BCL9L: variants seen among roughly 807,000 people sequenced by gnomAD.
BCL9L encodes B-cell CLL/lymphoma 9-like protein.
Under a neutral mutation model 99.4 loss-of-function variants are expected in BCL9L, and 19 were observed. The ratio of observed to expected loss-of-function variants is 0.19; its 90% CI spans 0.13 to 0.28. The LOEUF (loss-of-function observed/expected upper bound fraction) is 0.28. Among genes scored for constraint, BCL9L ranks in the 10% least tolerant of loss-of-function variants. The probability of loss-of-function intolerance (pLI) is 1.00; values close to 1 mark genes in which losing one functional copy is unlikely to be tolerated. For synonymous variants in BCL9L, 900 were observed against 854.8 expected, an observed-to-expected ratio of 1.05 and a Z score of -0.92; for missense variants, 2,023 against 2,101.6, an observed-to-expected ratio of 0.96 and a Z score of 0.73.
chr11:118,912,722 T>C (rs1390504531), intron 2 of BCL9L, among the ~76,000 whole-genome samples: 7 of 152,204 alleles, frequency 4.6e-5, no homozygotes, highest in Admixed American at 2.6e-4. Context: ...TCTGCTTGGC[T>C]CACCAGCTGG....
rs1445112227 is a variant in BCL9L at position 118,901,059 on chromosome 11, G to A, written c.2684C>T (p.Ala895Val). 1.9e-6 allele frequency: 3 copies of A among 1,598,656 alleles called. No individual in the cohort carries two copies. The highest frequency in any genetic ancestry group is 2.3e-5 in the South Asian group (2 of 88,162). The part of the protein sequence containing the change: ...TRLSHMPLPP[A>V]SNPPGTVHSA... ...ATGCACGGTCCCAGGAGGATTGGAC[G>A]CAGGGGGCAGAGGCATGTGGCTGAG... is the stretch of plus-strand genomic sequence containing the variant. Residue 895 changes from alanine (A) to valine (V), a missense_variant, in exon 8 of 10, where the codon GCG becomes GTG. By Grantham distance (64) the Ala-to-Val change is moderately conservative. This residue lies in a region of BCL9L where 902 missense variants were observed against 888.2 expected (regional missense o/e 1.02). Coordinates refer to ENST00000683865, the MANE Select transcript of BCL9L (RefSeq NM_001378213.1). The surrounding 1 kb of genome is among the most constrained non-coding windows in gnomAD (Gnocchi z 6.6).
In BCL9L at chr11:118,901,854, T is replaced by C. The variant is rs1482859667; in HGVS notation, c.1889A>G (p.Gln630Arg). ...MPMEVPMNAMQRPVRPGMGWT... is the reference protein window; with the variant it reads ...MPMEVPMNAMRRPVRPGMGWT... ...GCCCATGCCTGGTCTCACGGGCCTC[T>C]GCATGGCATTCATGGGCACCTCCAT... Residue 630 changes from glutamine to arginine, a missense_variant, in exon 8 of 10, where the codon CAG (glutamine) becomes CGG (arginine). Transcript: ENST00000683865. The surrounding 1 kb of genome is among the most constrained non-coding windows in gnomAD (Gnocchi z 6.6). The C allele has an allele frequency of 6.2e-7, 1 of 1,610,502 alleles. No individual in the cohort carries two copies. The highest frequency in any genetic ancestry group is 8.5e-7 in the Non-Finnish European group (1 of 1,177,168).
At chr11:118,913,687 C>T (rs533118252) in intron 2 of BCL9L, among the ~76,000 whole-genome samples, 34 of 150,946 alleles carry the variant, frequency 2.3e-4, no homozygotes, top group Non-Finnish European at 3.5e-4. Flanking sequence ...CCCCCGCCCA[C>T]CCCACCCGCC....
At chr11:118,904,603 C>T (rs919531773) in intron 5 of BCL9L, among the ~76,000 whole-genome samples, 5 of 152,154 alleles carry the variant, frequency 3.3e-5, no homozygotes, top group South Asian at 2.1e-4. Context: ...AAATCTACAA[C>T]GGGTCTAGGT....
intron 1 of BCL9L, among the ~76,000 whole-genome samples, chr11:118,920,442 G>A (rs1050374929): frequency 3.3e-5 from 5 of 152,118 alleles, no homozygotes; most frequent in Admixed American, 6.5e-5. Context: ...AGACCCCTCC[G>A]TCTTCTGCTC....
chr11:118,909,894 C>A lies in BCL9L; in HGVS notation c.26+20G>T, dbSNP rs1940707553. The A allele has an allele frequency of 1.2e-6, 2 of 1,613,978 alleles. No homozygotes were observed. Among genetic ancestry groups the A allele is most frequent in the South Asian group, 2.2e-5 (2 of 91,090 alleles). On this transcript the variant is annotated intron_variant, in intron 3 of 9. Transcript: ENST00000683865. The stretch of plus-strand genomic sequence containing the variant: ...CGCACTCCACACACACACATCCCAC[C>A]CGCCACGACACCCACACACCTTGTC...
rs781770513 is a variant in BCL9L at position 118,908,338 on chromosome 11, C to T, written c.344G>A (p.Arg115Gln). 9.9e-6 allele frequency: 16 copies of T among 1,609,114 alleles called. No homozygotes were observed. In the Admixed American group the frequency reaches 1.2e-4, roughly 12 times the overall value. ...CTCTCCAGAGTCCACAGACACACTCCGGTCCCTCTTCACCTTGCCCTTGAG... is the reference window on the plus strand; with the variant it reads ...CTCTCCAGAGTCCACAGACACACTCTGGTCCCTCTTCACCTTGCCCTTGAG... ...SSLKGKVKRD[R>Q]SVSVDSGEQR... Residue 115 changes from arginine (R) to glutamine (Q), a missense_variant, in exon 4 of 10, where the codon CGG becomes CAG. This residue lies in a region of BCL9L where 1,116 missense variants were observed against 1,194.6 expected (regional missense o/e 0.93). Transcript: ENST00000683865.
Position 118,903,575 on chromosome 11 carries a change from T to C in BCL9L, c.533-123A>G, listed in dbSNP as rs1940384755. 2 of 1,076,862 alleles carry C rather than the reference T, an allele frequency of 1.9e-6. No individual in the cohort carries two copies. Among genetic ancestry groups the C allele is most frequent in the Admixed American group, 4.1e-5 (2 of 48,298 alleles). 66.7% of individuals were successfully genotyped at this position (1,076,862 alleles called of 1,614,324 possible). A position where few individuals can be genotyped will look rare whatever the true frequency, so the allele number is the denominator to read the frequency against. ...TGCCCACAGGGACATTTGATGTCAG[T>C]ATCTGGTGTTCTCACCAGGCTGGTT... On this transcript the variant is annotated intron_variant, in intron 5 of 9. Transcript: ENST00000683865. The surrounding 1 kb of genome is among the most constrained non-coding windows in gnomAD (Gnocchi z 5.6).
rs754641285 is a variant in BCL9L at position 118,899,097 on chromosome 11, G to A, written c.3818C>T (p.Pro1273Leu). Residue 1273 changes from proline to leucine, a missense_variant, in exon 10 of 10, where the codon CCC becomes CTC. Physicochemically the swap from Pro to Leu is moderately conservative, Grantham distance 98 (BLOSUM62 -3). This residue lies in a region of BCL9L where 902 missense variants were observed against 888.2 expected (regional missense o/e 1.02). Transcript: ENST00000683865. ...CATCAGGTGCTGCTGGGGAGGCATG[G>A]GGCCTGGCGGCTGGTTGGGCAGGTC... ...PEDLPNQPPG[P>L]MPPQQHLMGK... 6.3e-6 allele frequency: 10 copies of A among 1,588,628 alleles called. No homozygotes were observed. Among genetic ancestry groups the A allele is most frequent in the Non-Finnish European group, 7.7e-6 (9 of 1,166,970 alleles).
chr11:118,907,070 G>A (rs1940552798), intron 5 of BCL9L, among the ~76,000 whole-genome samples: 2 of 152,166 alleles, frequency 1.3e-5, no homozygotes, highest in Non-Finnish European at 2.9e-5. Flanking sequence ...GTTAGGGAAG[G>A]GCACTAGAGA....
At position 118,898,803 on chromosome 11, in the gene BCL9L, G is replaced by A. The variant is rs753922655; in HGVS notation, c.4112C>T (p.Pro1371Leu). The change falls in exon 10 of 10, where the codon CCC becomes CTC. Residue 1371 changes from proline to leucine, a missense_variant. By Grantham distance (98) the Pro-to-Leu change is moderately conservative (BLOSUM62 -3). Coordinates refer to ENST00000683865, the MANE Select transcript of BCL9L (RefSeq NM_001378213.1). Reference sequence around the variant, plus strand: ...GCCTGGGAGGTTGGGAGGCCGAGAGGGAGTCTGCTCCGCCATCATGTTCTG... The same window carrying A: ...GCCTGGGAGGTTGGGAGGCCGAGAGAGAGTCTGCTCCGCCATCATGTTCTG... ...NLQNMMAEQT[P>L]SRPPNLPGQQ... 5 of 1,613,944 alleles carry A rather than the reference G, an allele frequency of 3.1e-6. No homozygotes were observed. Among genetic ancestry groups the A allele is most frequent in the Middle Eastern group, 1.7e-4 (1 of 6,060 alleles).
chr11:118,902,768 C>T lies in BCL9L; in HGVS notation c.975G>A (p.Gly325=). Reference sequence around the variant, plus strand: ...GGTCCTGACTGCTGTCCTCAGGAGGCCCCTCTGGGGGCAGAGCAGGCGGGG... The same window carrying T: ...GGTCCTGACTGCTGTCCTCAGGAGGTCCCTCTGGGGGCAGAGCAGGCGGGG... ...GSAPPALPPE[G]PPEDSSQDLA... Residue 325 remains glycine (G), a synonymous_variant, in exon 8 of 10, where the codon GGG becomes GGA. Coordinates refer to ENST00000683865, the MANE Select transcript of BCL9L (RefSeq NM_001378213.1). The surrounding 1 kb of genome is among the most constrained non-coding windows in gnomAD (Gnocchi z 7.8). 6.3e-7 allele frequency: 1 copy of T among 1,585,394 alleles called. No homozygotes were observed. Among genetic ancestry groups the T allele is most frequent in the South Asian group, 1.1e-5 (1 of 89,292 alleles).
intron 2 of BCL9L, among the ~76,000 whole-genome samples, chr11:118,912,042 C>T (rs1940816377): frequency 6.6e-6 from 1 of 152,272 alleles, no homozygotes; most frequent in African/African-American, 2.4e-5. Flanking sequence ...TCTCCCACCC[C>T]GCCGCAGGGC....
At position 118,898,256 on chromosome 11, in the gene BCL9L, A is replaced by C. The variant is rs1940005162; in HGVS notation, c.*159T>G. 3.9e-6 allele frequency: 4 copies of C among 1,036,206 alleles called. No homozygotes were observed. Among genetic ancestry groups the C allele is most frequent in the African/African-American group, 1.6e-5 (1 of 61,552 alleles). The allele number at this position is 1,036,206 out of a possible 1,614,324, so 64.2% of individuals were successfully genotyped here. On this transcript the variant is annotated 3_prime_UTR_variant, in exon 10 of 10. Coordinates refer to ENST00000683865, the MANE Select transcript of BCL9L (RefSeq NM_001378213.1). ...CACTGCCACTTCCCCCTAAGCTGCC[A>C]GCACATCTGGTTTCCACAAATGCCA...
rs1431862288 is a variant in BCL9L, at chr11:118,901,615, G to A, written c.2128C>T (p.Arg710Trp). Residue 710 changes from arginine to tryptophan, a missense_variant, in exon 8 of 10, where the codon CGG becomes TGG. By Grantham distance (101) the Arg-to-Trp change is moderately radical. Coordinates refer to ENST00000683865, the MANE Select transcript of BCL9L (RefSeq NM_001378213.1). The surrounding 1 kb of genome is among the most constrained non-coding windows in gnomAD (Gnocchi z 6.6). ...ATCTGTCGGTGCGCCTGCATCATCC[G>A]CTCCATCTCCATGCTCTGTCCCATG... ...SGMGQSMEME[R>W]MMQAHRQMDP... The A allele has an allele frequency of 4.3e-6, 7 of 1,613,820 alleles. No homozygotes were observed. Among genetic ancestry groups the A allele is most frequent in the African/African-American group, 2.7e-5 (2 of 74,944 alleles).
chr11:118,907,342 G>A (rs1339251671), intron 5 of BCL9L, 141 bp downstream of exon 5: 1 of 1,410,192 alleles, frequency 7.1e-7, no homozygotes, highest in East Asian at 2.3e-5. Context: ...GCAGTGTAGG[G>A]AGGGACAGAG....
In BCL9L at chr11:118,908,395, T is replaced by G. The variant is rs759851745; in HGVS notation, c.287A>C (p.Asn96Thr). The G allele has an allele frequency of 1.2e-6, 2 of 1,613,866 alleles. No individual in the cohort carries two copies. Among genetic ancestry groups the G allele is most frequent in the East Asian group, 4.5e-5 (2 of 44,860 alleles). Residue 96 changes from asparagine (N) to threonine (T), a missense_variant, in exon 4 of 10, where the codon AAC (asparagine) becomes ACC (threonine). Physicochemically the swap from Asn to Thr is moderately conservative, Grantham distance 65. Coordinates refer to ENST00000683865, the MANE Select transcript of BCL9L (RefSeq NM_001378213.1). ...QISPSNSSLK[N>T]PQAGVPPFSS... ...GAAAGGGGGCACCCCTGCCTGGGGG[T>G]TCTTCAGACTTGAGTTGCTAGGCGA...
Position 118,921,430 on chromosome 11 carries a change from A to G in BCL9L, c.-130-2551T>C, listed in dbSNP as rs981127447. 2.6e-5 allele frequency among the ~76,000 whole-genome samples: 4 copies of G among 152,050 alleles called. No individual in the cohort carries two copies. Among genetic ancestry groups the G allele is most frequent in the African/African-American group, 9.7e-5 (4 of 41,390 alleles). ...TGGAGAACCACTCAGGGATTTCAAA[A>G]CAATCCTGGTTTCGAAATGCTGGAA... On this transcript the variant is annotated intron_variant, in intron 1 of 9. Transcript: ENST00000683865. The surrounding 1 kb of genome is among the most constrained non-coding windows in gnomAD (Gnocchi z 5.4).
intron 4 of BCL9L, 113 bp downstream of exon 4, chr11:118,908,154 GAGA>G: frequency 2.2e-6 from 3 of 1,390,636 alleles, no homozygotes; most frequent in Non-Finnish European, 2.9e-6. Flanking sequence ...AGAAATACTG[GAGA>G]AGAACGTGGG....
Sources: gnomAD v4.1 joint callset for allele counts (sites outside exome capture counted in the v4.1 genomes callset) on GRCh38, gnomAD v4.1.1 for gene constraint, gnomAD v4.1.1 regional missense constraint, Gnocchi (gnomAD v3.1) non-coding constraint, MANE v1.5 for transcripts, NCBI Gene and HGNC (gene_info 2026-07-23, HGNC 2026-07-21) for gene names.